CFAP299: variants seen among roughly 807,000 people sequenced by gnomAD.
CFAP299 encodes the protein cilia- and flagella-associated protein 299.
In CFAP299, 21 loss-of-function variants were observed where a neutral mutation model predicts 27.0. That is an observed-to-expected ratio of 0.78 (90% CI 0.55 to 1.12). The LOEUF is 1.12. CFAP299 is among the 50% of genes most tolerant of loss of function. The pLI, the probability that CFAP299 is intolerant of heterozygous loss-of-function variation, is 0.00. For synonymous variants in CFAP299, 104 were observed against 98.1 expected, an observed-to-expected ratio of 1.06 and a Z score of -0.36; for missense variants, 310 against 276.6, an observed-to-expected ratio of 1.12 and a Z score of -0.86.
At chr4:80,354,102 G>C (rs780074181) in intron 1 of CFAP299, among the ~76,000 whole-genome samples, 2 of 151,942 alleles carry the variant, frequency 1.3e-5, no homozygotes, top group East Asian at 1.9e-4. Context: ...ATGAGCAAAG[G>C]GTTCATTTAA....
chr4:80,718,895 G>A (rs529585076), intron 3 of CFAP299, among the ~76,000 whole-genome samples: 1 of 152,028 alleles, frequency 6.6e-6, no homozygotes, highest in Non-Finnish European at 1.5e-5. Context: ...TGCTTTGAAT[G>A]TCCATTGATG....
At chr4:80,708,237 C>G (rs967153716) in intron 3 of CFAP299, among the ~76,000 whole-genome samples, 1 of 151,988 alleles carries the variant, frequency 6.6e-6, no homozygotes, top group Non-Finnish European at 1.5e-5. Flanking sequence ...ACCAATTCTT[C>G]CTTTTGGGAT....
intron 2 of CFAP299, among the ~76,000 whole-genome samples, chr4:80,548,730 G>T (rs1232356131): frequency 6.6e-6 from 1 of 152,052 alleles, no homozygotes; most frequent in Non-Finnish European, 1.5e-5. Context: ...ATGATGATTT[G>T]CTCAACTCAT....
At chr4:80,554,042 C>T (rs1734667672) in intron 2 of CFAP299, among the ~76,000 whole-genome samples, 1 of 151,940 alleles carries the variant, frequency 6.6e-6, no homozygotes, top group Non-Finnish European at 1.5e-5. Context: ...TTGCTTTTGG[C>T]ATCTTTGTCA....
chr4:80,345,690 T>C (rs1214958649), intron 1 of CFAP299, among the ~76,000 whole-genome samples: 3 of 152,176 alleles, frequency 2.0e-5, no homozygotes, highest in Non-Finnish European at 4.4e-5. Context: ...GACATTTATG[T>C]TGGTTTCAAG....
At chr4:80,618,966 G>A (rs1433677062) in intron 3 of CFAP299, among the ~76,000 whole-genome samples, 1 of 151,994 alleles carries the variant, frequency 6.6e-6, no homozygotes, top group Non-Finnish European at 1.5e-5. Flanking sequence ...AAATAGAGGA[G>A]TATGACACCT....
intron 3 of CFAP299, among the ~76,000 whole-genome samples, chr4:80,654,710 G>A (rs1397893723): frequency 6.6e-6 from 1 of 151,292 alleles, no homozygotes; most frequent in African/African-American, 2.4e-5. Flanking sequence ...TGGGCTTAAA[G>A]AATCCTTCCA....
intron 3 of CFAP299, among the ~76,000 whole-genome samples, chr4:80,670,973 A>T (rs1436067239): frequency 2.0e-5 from 3 of 152,060 alleles, no homozygotes; most frequent in African/African-American, 2.4e-5. Context: ...TCTTTTGCTG[A>T]GCAGAAGCTC....
At chr4:80,710,536 C>A (rs1421565244) in intron 3 of CFAP299, among the ~76,000 whole-genome samples, 7 of 131,716 alleles carry the variant, frequency 5.3e-5, no homozygotes, top group African/African-American at 2.0e-4. Flanking sequence ...TCAAGCATTA[C>A]AGATTGATGG....
intron 3 of CFAP299, among the ~76,000 whole-genome samples, chr4:80,647,582 C>T (rs1391776801): frequency 1.3e-5 from 2 of 152,150 alleles, no homozygotes; most frequent in African/African-American, 4.8e-5. Context: ...TGAATAAATG[C>T]TCCCCCTTAG....
chr4:80,373,973 T>C (rs1448261005), intron 2 of CFAP299, among the ~76,000 whole-genome samples: 2 of 152,192 alleles, frequency 1.3e-5, no homozygotes, highest in African/African-American at 2.4e-5. Flanking sequence ...TCACACAATA[T>C]GTTTCTTCTA....
rs552724900 is a variant in CFAP299, at chr4:80,572,872, A to G, written c.243-10221A>G. ...TGTACTACATTTTCTTTAACTATTC[A>G]TCTGTTGAAGGACACTTAAGTTGCT... is the stretch of plus-strand genomic sequence containing the variant. On this transcript the variant is annotated intron_variant, in intron 2 of 5. Transcript: ENST00000358105. Among the ~76,000 whole-genome samples the G allele has an allele frequency of 3.9e-5, 6 of 152,030 alleles. No homozygotes were observed. In the South Asian group the frequency reaches 6.2e-4, roughly 16 times the overall value.
At chr4:80,835,543 TC>T (rs2110134683) in intron 3 of CFAP299, among the ~76,000 whole-genome samples, 1 of 152,136 alleles carries the variant, frequency 6.6e-6, no homozygotes, top group Non-Finnish European at 1.5e-5. Context: ...GACTGTTGGT[TC>T]CCAATGATAT....
chr4:80,594,201 G>A (rs752317151), intron 3 of CFAP299, among the ~76,000 whole-genome samples: 4 of 152,140 alleles, frequency 2.6e-5, no homozygotes, highest in African/African-American at 4.8e-5. Flanking sequence ...CATGGCTCAG[G>A]TAGGCCCCAG....
chr4:80,466,052 A>C (rs1729684807), intron 2 of CFAP299, among the ~76,000 whole-genome samples: 1 of 152,244 alleles, frequency 6.6e-6, no homozygotes, highest in South Asian at 2.1e-4. Flanking sequence ...GAAGTGCAGC[A>C]ATTTCTAGGT....
the CFAP299 span, among the ~76,000 whole-genome samples, chr4:80,323,127 G>C: frequency 1.3e-5 from 2 of 152,212 alleles, no homozygotes; most frequent in Admixed American, 1.3e-4. Context: ...AATTTCACCA[G>C]TAACACAAAT....
At chr4:80,566,990 G>A (rs1735330764) in intron 2 of CFAP299, among the ~76,000 whole-genome samples, 1 of 148,178 alleles carries the variant, frequency 6.7e-6, no homozygotes, top group Admixed American at 6.7e-5. Flanking sequence ...TTACGGAGAA[G>A]CCAACCCATT....
At chr4:80,688,638 A>G (rs1720411134) in intron 3 of CFAP299, among the ~76,000 whole-genome samples, 1 of 152,238 alleles carries the variant, frequency 6.6e-6, no homozygotes, top group African/African-American at 2.4e-5. Context: ...CACAGCACCT[A>G]TCCTCCTCCA....
chr4:80,794,978 C>G (rs1261810313), intron 3 of CFAP299, among the ~76,000 whole-genome samples: 1 of 152,090 alleles, frequency 6.6e-6, no homozygotes, highest in Non-Finnish European at 1.5e-5. Context: ...TGTTGCTGAG[C>G]CCATACATAT....
Sources: gnomAD v4.1 joint callset for allele counts (sites outside exome capture counted in the v4.1 genomes callset) on GRCh38, gnomAD v4.1.1 for gene constraint, MANE v1.5 for transcripts, NCBI Gene and HGNC (gene_info 2026-07-23, HGNC 2026-07-21) for gene names.